The following GLT8D2 variants were observed in gnomAD, a reference collection of about 807,000 sequenced individuals.
GLT8D2 encodes glycosyltransferase 8 domain containing 2, also known as glycosyltransferase 8 domain-containing protein 2.
A neutral mutation model predicts 44.5 loss-of-function variants in GLT8D2; 45 were observed. The observed-to-expected ratio is 1.01, with a 90% confidence interval of 0.80 to 1.30. The LOEUF (loss-of-function observed/expected upper bound fraction) is 1.30. GLT8D2 is among the 50% of genes most tolerant of loss of function. GLT8D2 has a pLI of 0.00. For synonymous variants in GLT8D2, 156 were observed against 157.2 expected, an observed-to-expected ratio of 0.99 and a Z score of 0.06; for missense variants, 400 against 430.4, an observed-to-expected ratio of 0.93 and a Z score of 0.62.
chr12:104,027,999 T>C (rs1212770494), intron 1 of GLT8D2, among the ~76,000 whole-genome samples: 2 of 152,218 alleles, frequency 1.3e-5, no homozygotes, highest in Admixed American at 1.3e-4. Flanking sequence ...ACTGTAACTA[T>C]GAGACCACTC....
At chr12:104,056,725 A>T (rs941934258) in intron 1 of GLT8D2, among the ~76,000 whole-genome samples, 1 of 152,228 alleles carries the variant, frequency 6.6e-6, no homozygotes, top group Non-Finnish European at 1.5e-5. Flanking sequence ...AATTGCATAA[A>T]TACAAGCTTT....
intron 3 of GLT8D2, among the ~76,000 whole-genome samples, chr12:104,017,184 A>G (rs1332722599): frequency 2.0e-5 from 3 of 152,162 alleles, no homozygotes; most frequent in East Asian, 3.8e-4. Context: ...CCAGAGTTGA[A>G]TCACATTCTC....
chr12:103,993,364 T>G, intron 10 of GLT8D2, 28 bp downstream of exon 10: 4 of 1,540,762 alleles, frequency 2.6e-6, no homozygotes, highest in Non-Finnish European at 3.6e-6. Flanking sequence ...ATTTGCGTTT[T>G]TCTAAACAGT....
chr12:104,003,195 TTGCTGTAGA>T lies in GLT8D2; in HGVS notation c.215_223del (p.Ile72_Ser74del). 1 of 1,614,124 alleles carries T rather than the reference TTGCTGTAGA, an allele frequency of 6.2e-7. No individual in the cohort carries two copies. The highest frequency in any genetic ancestry group is 8.5e-7 in the Non-Finnish European group (1 of 1,179,990). On this transcript the variant is annotated inframe_deletion, in exon 5 of 11. Coordinates refer to ENST00000360814, the MANE Select transcript of GLT8D2 (RefSeq NM_001384711.1). ...ATAGAACAAGATGTTGGCGTCAGTG[TTGCTGTAGA>T]TGCTATTGATGGCAGCCATAGTGGC...
intron 1 of GLT8D2, among the ~76,000 whole-genome samples, chr12:104,021,900 GA>G (rs1877736188): frequency 8.7e-5 from 1 of 11,462 alleles, no homozygotes; most frequent in Non-Finnish European, 1.6e-4. Flanking sequence ...AGAAGAAGAA[GA>G]AGAAGAAGAA....
chr12:104,011,615 T>C (rs1875836086), intron 4 of GLT8D2, among the ~76,000 whole-genome samples: 1 of 152,194 alleles, frequency 6.6e-6, no homozygotes, highest in Admixed American at 6.5e-5. Context: ...CCGCCATGTT[T>C]TACTTGAACG....
chr12:103,992,754 A>T (rs986697284), intron 10 of GLT8D2, among the ~76,000 whole-genome samples: 1 of 152,050 alleles, frequency 6.6e-6, no homozygotes, highest in Non-Finnish European at 1.5e-5. Flanking sequence ...AGCCTCCCAA[A>T]GTGCTGGGAT....
chr12:104,032,492 T>A (rs113315834), intron 1 of GLT8D2, among the ~76,000 whole-genome samples: 3,307 of 60,964 alleles, frequency 0.054, 6 homozygotes, highest in African/African-American at 0.063. Flanking sequence ...AAAAAAAAAA[T>A]AGGCAAAGGA....
intron 8 of GLT8D2, among the ~76,000 whole-genome samples, chr12:103,995,881 A>G (rs1873355835): frequency 6.6e-6 from 1 of 152,228 alleles, no homozygotes; most frequent in African/African-American, 2.4e-5. Flanking sequence ...GTACTACCTC[A>G]TTACTCTCAT....
At chr12:104,028,184 G>A (rs913307640) in intron 1 of GLT8D2, among the ~76,000 whole-genome samples, 10 of 152,216 alleles carry the variant, frequency 6.6e-5, no homozygotes, top group African/African-American at 2.4e-4. Flanking sequence ...GTAAGTTCCC[G>A]AAGCTGATTA....
chr12:103,995,252 C>T (rs1873266837), intron 8 of GLT8D2, among the ~76,000 whole-genome samples: 1 of 152,198 alleles, frequency 6.6e-6, no homozygotes, highest in Non-Finnish European at 1.5e-5. Context: ...AGCTTCCCAT[C>T]TCATTCACAG....
chr12:103,990,971 G>A (rs1872679799), intron 10 of GLT8D2, among the ~76,000 whole-genome samples: 1 of 152,098 alleles, frequency 6.6e-6, no homozygotes, highest in African/African-American at 2.4e-5. Flanking sequence ...TGCCTGTTTA[G>A]ACCCAAACTT....
At chr12:103,997,149 A>G (rs1873536504) in intron 7 of GLT8D2, among the ~76,000 whole-genome samples, 1 of 152,218 alleles carries the variant, frequency 6.6e-6, no homozygotes, top group African/African-American at 2.4e-5. Flanking sequence ...ACCAAAACTT[A>G]GCTCACTCCT....
chr12:104,021,998 A>G (rs3953592), intron 1 of GLT8D2, among the ~76,000 whole-genome samples: 7 of 69,538 alleles, frequency 1.0e-4, no homozygotes, highest in Non-Finnish European at 8.4e-5. Context: ...AAGAAGAAGA[A>G]GAAGAAGAAG....
chr12:104,009,349 T>C (rs1466603895), intron 4 of GLT8D2, among the ~76,000 whole-genome samples: 2 of 152,248 alleles, frequency 1.3e-5, no homozygotes, highest in Non-Finnish European at 2.9e-5. Context: ...ACTGCCCCGC[T>C]GGATTTTGGA....
intron 1 of GLT8D2, among the ~76,000 whole-genome samples, chr12:104,029,145 C>T (rs1878932376): frequency 6.6e-6 from 1 of 152,082 alleles, no homozygotes; most frequent in Non-Finnish European, 1.5e-5. Context: ...CAAAAATTAG[C>T]TGGGCATGGT....
chr12:104,016,826 A>AAAAAG (rs1876852661), intron 3 of GLT8D2, among the ~76,000 whole-genome samples: 1 of 72,498 alleles, frequency 1.4e-5, no homozygotes, highest in African/African-American at 5.8e-5. Context: ...AAAGAGAAAG[A>AAAAAG]AAAGAAAGAA....
intron 1 of GLT8D2, among the ~76,000 whole-genome samples, chr12:104,026,398 G>A (rs934917892): frequency 6.6e-6 from 1 of 151,926 alleles, no homozygotes; most frequent in Non-Finnish European, 1.5e-5. Context: ...ATTCTAATTC[G>A]ATCTTTGCTT....
intron 4 of GLT8D2, among the ~76,000 whole-genome samples, chr12:104,004,182 C>T (rs192249829): frequency 1.3e-5 from 2 of 152,246 alleles, no homozygotes; most frequent in African/African-American, 2.4e-5. Context: ...TTCGACAGCC[C>T]TTCATGCTAA....
Sources: gnomAD v4.1 joint callset for allele counts (sites outside exome capture counted in the v4.1 genomes callset) on GRCh38, gnomAD v4.1.1 for gene constraint, MANE v1.5 for transcripts, NCBI Gene and HGNC (gene_info 2026-07-23, HGNC 2026-07-21) for gene names.